CSMD1: variants seen among roughly 807,000 people sequenced by gnomAD.
CSMD1 encodes CUB and sushi domain-containing protein 1.
Under a neutral mutation model 417.5 loss-of-function variants are expected in CSMD1, and 213 were observed. The ratio of observed to expected loss-of-function variants is 0.51; its 90% CI spans 0.46 to 0.57. The LOEUF is 0.57. Ranked by LOEUF, CSMD1 falls within the 20% of genes least tolerant of loss-of-function variation. The pLI, the probability that CSMD1 is intolerant of heterozygous loss-of-function variation, is 0.00. For synonymous variants in CSMD1, 2,862 were observed against 1,736.8 expected, an observed-to-expected ratio of 1.65 and a Z score of -16.11; for missense variants, 6,923 against 4,529.7, an observed-to-expected ratio of 1.53 and a Z score of -15.17.
chr8:4,126,193 C>T (rs1802754359), intron 3 of CSMD1, among the ~76,000 whole-genome samples: 1 of 152,146 alleles, frequency 6.6e-6, no homozygotes, highest in Non-Finnish European at 1.5e-5. Context: ...CCATTAAAAA[C>T]CCTGATCCCC....
intron 10 of CSMD1, among the ~76,000 whole-genome samples, chr8:3,497,351 T>G (rs556364006): frequency 6.6e-6 from 1 of 152,324 alleles, no homozygotes; most frequent in East Asian, 1.9e-4. Flanking sequence ...TGTTTACAAT[T>G]GTTATACATT....
At position 3,611,395 on chromosome 8, in the gene CSMD1, T is replaced by C. The variant is rs571041696; in HGVS notation, c.1097+5315A>G. On this transcript the variant is annotated intron_variant, in intron 8 of 69. Transcript: ENST00000635120. ...AAACATCTATGTAATTGTTTGAGTT[T>C]TGAGTTGAGCTGGCTGCTTGCTTTT... Among the ~76,000 whole-genome samples the C allele has an allele frequency of 1.7e-4, 26 of 152,286 alleles. No individual in the cohort carries two copies. In the East Asian group the frequency reaches 2.7e-3, roughly 16 times the overall value.
intron 3 of CSMD1, among the ~76,000 whole-genome samples, chr8:4,088,862 C>T (rs944969614): frequency 6.6e-6 from 1 of 152,160 alleles, no homozygotes; most frequent in Non-Finnish European, 1.5e-5. Context: ...GTTTCCATGA[C>T]ACCGCTGTGT....
chr8:4,106,640 G>C (rs537959622), intron 3 of CSMD1, among the ~76,000 whole-genome samples: 4 of 152,200 alleles, frequency 2.6e-5, no homozygotes, highest in Non-Finnish European at 5.9e-5. Context: ...AAAATGTGAT[G>C]TTGATAGGTA....
At chr8:3,182,974 G>T (rs904082863) in intron 36 of CSMD1, 2 of 149,752 alleles carry the variant, frequency 1.3e-5, no homozygotes, top group Admixed American at 6.7e-5. Context: ...TAGTTAGGAT[G>T]GTCTCGATCA....
At chr8:3,298,964 C>G (rs759302383) in intron 25 of CSMD1, among the ~76,000 whole-genome samples, 1 of 152,120 alleles carries the variant, frequency 6.6e-6, no homozygotes, top group African/African-American at 2.4e-5. Context: ...TAATGAGAAG[C>G]TTACACAGAA....
intron 8 of CSMD1, among the ~76,000 whole-genome samples, chr8:3,615,381 A>G (rs974748952): frequency 2.0e-5 from 3 of 151,726 alleles, no homozygotes; most frequent in Admixed American, 1.3e-4. Context: ...CACTTCCTCT[A>G]CTCCCCTCCT....
intron 2 of CSMD1, among the ~76,000 whole-genome samples, chr8:4,468,802 CAAT>C (rs1800345690): frequency 6.6e-6 from 1 of 152,064 alleles, no homozygotes; most frequent in South Asian, 2.1e-4. Context: ...AATGGATAAT[CAAT>C]AATTATTGTA....
chr8:4,146,063 T>C (rs928870874), intron 3 of CSMD1, among the ~76,000 whole-genome samples: 1 of 150,854 alleles, frequency 6.6e-6, no homozygotes, highest in Non-Finnish European at 1.5e-5. Context: ...TGCAGACACT[T>C]GAGGGAGGCA....
intron 1 of CSMD1, among the ~76,000 whole-genome samples, chr8:4,910,904 G>A (rs988843364): frequency 2.6e-5 from 4 of 152,178 alleles, no homozygotes; most frequent in African/African-American, 9.7e-5. Context: ...GGGACCCAGT[G>A]GGAGGTAATT....
intron 10 of CSMD1, among the ~76,000 whole-genome samples, chr8:3,549,437 A>C (rs2116767763): frequency 6.6e-6 from 1 of 152,296 alleles, no homozygotes; most frequent in African/African-American, 2.4e-5. Flanking sequence ...ATGGCCTTTG[A>C]GGCTCACATG....
At chr8:3,048,394 T>C (rs1343669591) in intron 50 of CSMD1, among the ~76,000 whole-genome samples, 1 of 152,082 alleles carries the variant, frequency 6.6e-6, no homozygotes, top group Non-Finnish European at 1.5e-5. Flanking sequence ...GACAAATGTG[T>C]CAATGGAACA....
intron 3 of CSMD1, among the ~76,000 whole-genome samples, chr8:4,358,202 G>C (rs1012749499): frequency 6.6e-6 from 1 of 152,098 alleles, no homozygotes; most frequent in African/African-American, 2.4e-5. Context: ...ATGTCTTCTG[G>C]GGTGTTATAA....
chr8:4,721,994 C>T (rs958973335), intron 1 of CSMD1, among the ~76,000 whole-genome samples: 9 of 152,126 alleles, frequency 5.9e-5, no homozygotes, highest in South Asian at 2.1e-4. Context: ...AGGAGAAGAA[C>T]GATGGTTATT....
chr8:4,637,171 G>C (rs1208584434), intron 2 of CSMD1, among the ~76,000 whole-genome samples, 171 bp downstream of exon 2: 3 of 151,986 alleles, frequency 2.0e-5, no homozygotes, highest in Non-Finnish European at 4.4e-5. Context: ...TTTAAGAGCT[G>C]GAAAACTCAC....
At position 4,533,270 on chromosome 8, in the gene CSMD1, T is replaced by C. The variant is rs191482570; in HGVS notation, c.302+104072A>G. ...CAAGACTTTGGTAGAGACGGCCGCT[T>C]GCTCCCAAATATCATGCTGAGGAAG... On this transcript the variant is annotated intron_variant, in intron 2 of 69. Transcript: ENST00000635120. Among the ~76,000 whole-genome samples, 6 of 152,336 alleles carry C rather than the reference T, an allele frequency of 3.9e-5. No individual in the cohort carries two copies. In the East Asian group the frequency reaches 9.7e-4, roughly 25 times the overall value.
chr8:3,567,609 A>G (rs747791288), intron 10 of CSMD1, among the ~76,000 whole-genome samples: 4 of 151,982 alleles, frequency 2.6e-5, no homozygotes, highest in African/African-American at 4.8e-5. Context: ...GAAAAAGCCT[A>G]TAATACCTAT....
At chr8:3,766,545 G>A (rs192872639) in intron 5 of CSMD1, among the ~76,000 whole-genome samples, 37 of 152,008 alleles carry the variant, frequency 2.4e-4, no homozygotes, top group Non-Finnish European at 4.4e-4. Context: ...GGGAGCAGTC[G>A]GCACTGGCAA....
rs1444950541 is a variant in CSMD1, at chr8:3,190,174, C to T, written c.5195-59G>A. Reference sequence around the variant, plus strand: ...TCTCCATCAGCAAGCCAGGACGTTGCGTGGAACGTGGGTTTAAGATGGGAC... The same window carrying T: ...TCTCCATCAGCAAGCCAGGACGTTGTGTGGAACGTGGGTTTAAGATGGGAC... On this transcript the variant is annotated intron_variant, in intron 33 of 69. Coordinates refer to ENST00000635120, the MANE Select transcript of CSMD1 (RefSeq NM_033225.6). 1.2e-5 allele frequency: 16 copies of T among 1,347,060 alleles called. No individual in the cohort carries two copies. The African/African-American group carries it at 2.2e-4, about 19-fold the overall frequency. The allele number at this position is 1,347,060 out of a possible 1,614,324, so 83.4% of individuals were successfully genotyped here. A position where few individuals can be genotyped will look rare whatever the true frequency, so the allele number is the denominator to read the frequency against.
Sources: gnomAD v4.1 joint callset for allele counts (sites outside exome capture counted in the v4.1 genomes callset) on GRCh38, gnomAD v4.1.1 for gene constraint, MANE v1.5 for transcripts, NCBI Gene and HGNC (gene_info 2026-07-23, HGNC 2026-07-21) for gene names.